The following NUP214 variants were observed in gnomAD, a reference collection of about 807,000 sequenced individuals.
NUP214 encodes the protein nuclear pore complex protein Nup214.
Under a neutral mutation model 196.2 loss-of-function variants are expected in NUP214, and 79 were observed. The ratio of observed to expected loss-of-function variants is 0.40; its 90% CI spans 0.34 to 0.49. NUP214 has a LOEUF of 0.49. Ranked by LOEUF, NUP214 falls within the 20% of genes least tolerant of loss-of-function variation. NUP214 has a pLI of 0.58. For missense variants in NUP214, 2,468 were observed against 2,539.0 expected (o/e 0.97, Z 0.60); for synonymous variants, 1,020 against 990.5 (o/e 1.03, Z -0.56).
Position 131,175,523 on chromosome 9 carries a change from C to T in NUP214, c.3221C>T (p.Thr1074Ile). 3 of 1,614,218 alleles carry T rather than the reference C, an allele frequency of 1.9e-6. No individual in the cohort carries two copies. The highest frequency in any genetic ancestry group is 2.5e-6 in the Non-Finnish European group (3 of 1,180,038). Residue 1074 changes from threonine to isoleucine, a missense_variant, in exon 23 of 36, where the codon ACC (threonine) becomes ATC (isoleucine). Physicochemically the swap from Thr to Ile is moderately conservative, Grantham distance 89. This residue lies in a region of NUP214 where 1,801 missense variants were observed against 1,779.4 expected (regional missense o/e 1.01). Coordinates refer to ENST00000359428, the MANE Select transcript of NUP214 (RefSeq NM_005085.4). Reference protein sequence around the residue: ...GADSTMLATKTVKHGAPSPSH... With the variant: ...GADSTMLATKIVKHGAPSPSH... ...GATAGCACAATGCTTGCCACGAAAA[C>T]CGTGAAACATGGTGCACCTAGTCCT...
chr9:131,141,693 G>A (rs1042811728), intron 11 of NUP214: 4 of 152,040 alleles, frequency 2.6e-5, no homozygotes, highest in Non-Finnish European at 4.4e-5. Context: ...TGCTCAGGCT[G>A]GTCTCAAACA....
chr9:131,126,014 GTTTA>G (rs1378666200), intron 1 of NUP214: 12 of 513,914 alleles, frequency 2.3e-5, no homozygotes, highest in Admixed American at 7.7e-5. Flanking sequence ...AATAACTGCT[GTTTA>G]TTGAGTGTTG....
chr9:131,221,472 C>T (rs1834553259), intron 31 of NUP214, among the ~76,000 whole-genome samples: 1 of 152,176 alleles, frequency 6.6e-6, no homozygotes, highest in Non-Finnish European at 1.5e-5. Context: ...ACGTATTAAC[C>T]ATGGTGGCTC....
chr9:131,209,081 T>C (rs1834163597), intron 30 of NUP214, among the ~76,000 whole-genome samples: 1 of 151,752 alleles, frequency 6.6e-6, no homozygotes, highest in Non-Finnish European at 1.5e-5. Flanking sequence ...TTGAAAACCA[T>C]ATGCTAAGGC....
intron 17 of NUP214, among the ~76,000 whole-genome samples, chr9:131,154,238 T>C (rs1019636797): frequency 6.6e-6 from 1 of 152,178 alleles, no homozygotes; most frequent in Non-Finnish European, 1.5e-5. Context: ...TTTTTAAAAA[T>C]TTCAATAGTT....
intron 30 of NUP214, 21 bp downstream of exon 30, chr9:131,201,738 A>ATTCACGTCAACATGTATCAAACCC: frequency 6.3e-7 from 1 of 1,595,796 alleles, no homozygotes; most frequent in Non-Finnish European, 8.6e-7. Flanking sequence ...ATTTGTCTTC[A>ATTCACGTCAACATGTATCAAACCC]TTCACGTCAA....
In NUP214 at chr9:131,232,400, T is replaced by C; in HGVS notation, c.6239+92T>C. The C allele has an allele frequency of 7.3e-7, 1 of 1,370,610 alleles. No individual in the cohort carries two copies. The highest frequency in any genetic ancestry group is 1.2e-5 in the South Asian group (1 of 85,752). The allele number at this position is 1,370,610 out of a possible 1,614,324, so 84.9% of individuals were successfully genotyped here. On this transcript the variant is annotated intron_variant, in intron 35 of 35. Coordinates refer to ENST00000359428, the MANE Select transcript of NUP214 (RefSeq NM_005085.4). The surrounding 1 kb of genome is among the most constrained non-coding windows in gnomAD (Gnocchi z 5.1). ...TCTTGCTGGATTTGTGCATTTTCTT[T>C]TCGTTTTTTCCTGTTTTTAGAGTTT...
At chr9:131,194,803 C>G (rs1833728091) in intron 27 of NUP214, among the ~76,000 whole-genome samples, 1 of 152,196 alleles carries the variant, frequency 6.6e-6, no homozygotes, top group Non-Finnish European at 1.5e-5. Context: ...TGGAGGGGTT[C>G]TGAGAGGCTC....
chr9:131,173,910 A>C (rs1179914324), intron 21 of NUP214, 145 bp from the exon 22 acceptor site: 24 of 1,082,146 alleles, frequency 2.2e-5, no homozygotes, highest in Non-Finnish European at 2.8e-5. Context: ...TTCACATTTG[A>C]CAATACCTGC....
intron 24 of NUP214, among the ~76,000 whole-genome samples, chr9:131,181,847 C>T (rs772174375): frequency 1.8e-4 from 28 of 152,072 alleles, no homozygotes; most frequent in Non-Finnish European, 3.8e-4. Context: ...TCTTTTGTTG[C>T]TTGTGCTTTA....
intron 2 of NUP214, 125 bp from the exon 3 acceptor site, chr9:131,128,207 C>A: frequency 1.6e-6 from 1 of 633,468 alleles, no homozygotes; most frequent in Non-Finnish European, 2.7e-6. Context: ...ATCTGTATAA[C>A]TAGGTATTGG....
At chr9:131,186,583 G>A (rs990402163) in intron 24 of NUP214, among the ~76,000 whole-genome samples, 5 of 152,130 alleles carry the variant, frequency 3.3e-5, no homozygotes, top group African/African-American at 1.2e-4. Flanking sequence ...AAAAATTGCC[G>A]CTAGGAGCCA....
At chr9:131,154,096 G>A (rs1392821887) in intron 17 of NUP214, among the ~76,000 whole-genome samples, 2 of 152,132 alleles carry the variant, frequency 1.3e-5, no homozygotes, top group African/African-American at 2.4e-5. Context: ...AAAGAGCCTC[G>A]GTGAGTTGAA....
intron 32 of NUP214, 76 bp downstream of exon 32, chr9:131,223,006 C>A: frequency 7.0e-7 from 1 of 1,435,342 alleles, no homozygotes; most frequent in South Asian, 1.3e-5. Flanking sequence ...AAGGAGACAT[C>A]TCTAGGGTGG....
At chr9:131,224,226 T>C (rs1834663809) in intron 32 of NUP214, among the ~76,000 whole-genome samples, 1 of 152,210 alleles carries the variant, frequency 6.6e-6, no homozygotes, top group Non-Finnish European at 1.5e-5. Context: ...TATAATCATG[T>C]ATGATGTATT....
intron 7 of NUP214, chr9:131,133,688 A>G (rs1196259492): frequency 6.6e-6 from 1 of 152,326 alleles, no homozygotes; most frequent in Non-Finnish European, 1.5e-5. Flanking sequence ...CCAGGGGTCT[A>G]AAATTGGAGT....
chr9:131,231,631 CAAA>C (rs1178878320), intron 34 of NUP214, among the ~76,000 whole-genome samples: 6 of 109,764 alleles, frequency 5.5e-5, no homozygotes, highest in Non-Finnish European at 5.8e-5. Context: ...CCAGCAGACT[CAAA>C]AAAAAAAAAA....
intron 17 of NUP214, among the ~76,000 whole-genome samples, chr9:131,153,921 C>G (rs1391302673): frequency 1.3e-5 from 2 of 152,144 alleles, no homozygotes; most frequent in Non-Finnish European, 2.9e-5. Context: ...GGATATGTTG[C>G]TATGGGACCA....
At chr9:131,157,218 G>A (rs1489833344) in intron 17 of NUP214, among the ~76,000 whole-genome samples, 2 of 151,708 alleles carry the variant, frequency 1.3e-5, no homozygotes, top group East Asian at 1.9e-4. Context: ...TGTGTGGTGC[G>A]GTGGCACGAT....
Sources: allele counts gnomAD v4.1 joint callset (sites outside exome capture counted in the v4.1 genomes callset), GRCh38; gene constraint gnomAD v4.1.1; regional missense constraint gnomAD v4.1.1; non-coding constraint Gnocchi (gnomAD v3.1); transcripts MANE v1.5; gene names NCBI Gene and HGNC (gene_info 2026-07-23, HGNC 2026-07-21).